The following SLC38A5 variants were observed in gnomAD, a reference collection of about 807,000 sequenced individuals.
SLC38A5 encodes the protein sodium-coupled neutral amino acid transporter 5.
A neutral mutation model predicts 34.6 loss-of-function variants in SLC38A5; 9 were observed. The observed-to-expected ratio is 0.26, with a 90% confidence interval of 0.16 to 0.45. The LOEUF is 0.45. Among genes scored for constraint, SLC38A5 ranks in the 20% least tolerant of loss-of-function variants. The pLI is 1.00. For synonymous variants in SLC38A5, 157 were observed against 155.6 expected (o/e 1.01, Z -0.07); for missense variants, 253 against 394.7 (o/e 0.64, Z 3.04).
At position 48,461,606 on chromosome X, in the gene SLC38A5, A is replaced by C. The variant is rs782044803; in HGVS notation, c.851+112T>G. On this transcript the variant is annotated intron_variant, in intron 12 of 16. Coordinates refer to ENST00000620913, the MANE Select transcript of SLC38A5 (RefSeq NM_033518.4). The stretch of plus-strand genomic sequence containing the variant: ...CACCCCAAACCCCTCCCATGACACA[A>C]CCTAGCTTCCACCAAGTGACAGTCC... The C allele has an allele frequency of 3.1e-3, 2,595 of 829,176 alleles. 3 individuals carry two copies. Among genetic ancestry groups the C allele is most frequent in the Non-Finnish European group, 3.1e-3 (1,819 of 587,930 alleles). 68.3% of individuals were successfully genotyped at this position (829,176 alleles called of 1,213,427 possible). A position where few individuals can be genotyped will look rare whatever the true frequency, so the allele number is the denominator to read the frequency against.
chrX:48,460,934 TC>T, intron 13 of SLC38A5, 51 bp downstream of exon 13: 1 of 1,085,382 alleles, frequency 9.2e-7, no homozygotes. Flanking sequence ...GCTCAGAGGC[TC>T]CTGCCCCAGG....
At chrX:48,466,147 C>T (rs1468262050) in intron 7 of SLC38A5, 54 bp from the exon 8 acceptor site, 15 of 1,155,799 alleles carry the variant, frequency 1.3e-5, no homozygotes, top group Non-Finnish European at 1.7e-5. Context: ...GCCCCCACCC[C>T]GTCTTCCCCA....
intron 13 of SLC38A5, 110 bp downstream of exon 13, chrX:48,460,876 A>G: frequency 9.9e-7 from 1 of 1,011,110 alleles, no homozygotes; most frequent in Non-Finnish European, 1.4e-6. Flanking sequence ...CAAGTGAGGC[A>G]CACCTTCTGT....
chrX:48,468,841 G>C (rs2061497177), intron 2 of SLC38A5: 1 of 748,639 alleles, frequency 1.3e-6, no homozygotes, highest in Non-Finnish European at 1.6e-6. Flanking sequence ...CGGAGGAAGA[G>C]CTATTTCTGA....
At chrX:48,468,198 T>A (rs1375477223) in intron 2 of SLC38A5, 2 of 985,497 alleles carry the variant, frequency 2.0e-6, no homozygotes, top group Non-Finnish European at 2.6e-6. Flanking sequence ...GAGAGAGAAA[T>A]AGTGGGGAAG....
Position 48,467,205 on chromosome X carries a change from G to A in SLC38A5, c.130-128C>T, listed in dbSNP as rs181256090. ...GGAGAGAAGCCAAGGAGAGACCATCGGAGGAGGGAAGAGGCTAGCAGGGAA... is the reference window on the plus strand; with the variant it reads ...GGAGAGAAGCCAAGGAGAGACCATCAGAGGAGGGAAGAGGCTAGCAGGGAA... On this transcript the variant is annotated intron_variant, in intron 4 of 16. Transcript: ENST00000620913. 22 of 529,743 alleles carry A rather than the reference G, an allele frequency of 4.2e-5. No homozygotes were observed. In the Middle Eastern group the frequency reaches 1.1e-3, roughly 27 times the overall value. The allele number at this position is 529,743 out of a possible 1,213,427, so 43.7% of individuals were successfully genotyped here.
At position 48,462,890 on chromosome X, in the gene SLC38A5, C is replaced by A; in HGVS notation, c.574+8G>T. On this transcript the variant is annotated splice_region_variant and intron_variant, in intron 9 of 16. Coordinates refer to ENST00000620913, the MANE Select transcript of SLC38A5 (RefSeq NM_033518.4). Reference sequence around the variant, plus strand: ...ACTACCCAATGGCCAACCCAGGGAGCCTCTTACCCAAGTGTTTCATGAGGG... The same window carrying A: ...ACTACCCAATGGCCAACCCAGGGAGACTCTTACCCAAGTGTTTCATGAGGG... 1 of 1,199,390 alleles carries A rather than the reference C, an allele frequency of 8.3e-7. No individual in the cohort carries two copies. The highest frequency in any genetic ancestry group is 1.7e-5 in the African/African-American group (1 of 57,550).
chrX:48,459,265 C>A, intron 16 of SLC38A5: 1 of 451,047 alleles, frequency 2.2e-6, no homozygotes. Flanking sequence ...GTGCTTCCAG[C>A]TCTCTTCCCA....
rs183914193 is a variant in SLC38A5, at chrX:48,464,566, C to T, written c.491+1449G>A. On this transcript the variant is annotated intron_variant, in intron 8 of 16. Transcript: ENST00000620913. ...ATCCCAGCACTTTGGGAGGCCAAGG[C>T]AAGCAGATCACCTGAGGTCAGGAGT... is the stretch of plus-strand genomic sequence containing the variant. 1.3e-3 allele frequency among the ~76,000 whole-genome samples: 141 copies of T among 112,147 alleles called. 1 individual carries two copies. Among genetic ancestry groups the T allele is most frequent in the Admixed American group, 0.012 (131 of 10,590 alleles).
At chrX:48,468,934 G>A (rs782382779) in intron 2 of SLC38A5, 3 of 753,474 alleles carry the variant, frequency 4.0e-6, no homozygotes, top group Middle Eastern at 7.6e-4. Context: ...CGAGCCTGGA[G>A]CCCCTGTCTT....
At chrX:48,463,788 A>T (rs1326372668) in intron 8 of SLC38A5, among the ~76,000 whole-genome samples, 2 of 103,883 alleles carry the variant, frequency 1.9e-5, no homozygotes, top group Non-Finnish European at 3.9e-5. Flanking sequence ...AAAAAAAAAA[A>T]AGGAAGAAAG....
intron 4 of SLC38A5, 26 bp from the exon 5 acceptor site, chrX:48,467,103 C>T (rs2061483078): frequency 2.6e-6 from 3 of 1,160,353 alleles, no homozygotes; most frequent in Non-Finnish European, 1.2e-6. Flanking sequence ...AAAGCCCGGG[C>T]ACACATTGGG....
chrX:48,458,654 C>T lies in SLC38A5; in HGVS notation c.*279G>A. ...GGGCTGGGCAAAGGCTCCACCAGGA[C>T]CTGGCCTCCTCCTCCTCCTCCTCCT... On this transcript the variant is annotated 3_prime_UTR_variant, in exon 17 of 17. Coordinates refer to ENST00000620913, the MANE Select transcript of SLC38A5 (RefSeq NM_033518.4). The T allele has an allele frequency of 1.0e-6, 1 of 953,198 alleles. No homozygotes were observed. The highest frequency in any genetic ancestry group is 1.3e-6 in the Non-Finnish European group (1 of 764,301). 78.6% of individuals were successfully genotyped at this position (953,198 alleles called of 1,213,427 possible). A position where few individuals can be genotyped will look rare whatever the true frequency, so the allele number is the denominator to read the frequency against.
At chrX:48,466,136 T>C (rs1556963178) in intron 7 of SLC38A5, 43 bp from the exon 8 acceptor site, 3 of 1,165,356 alleles carry the variant, frequency 2.6e-6, no homozygotes, top group South Asian at 1.9e-5. Context: ...ATTCTCTTCA[T>C]GCCCCCACCC....
intron 8 of SLC38A5, among the ~76,000 whole-genome samples, chrX:48,463,984 A>G (rs1556962656): frequency 8.9e-6 from 1 of 111,974 alleles, no homozygotes; most frequent in African/African-American, 3.2e-5. Context: ...CGATCGTGGT[A>G]TGTCTGACAG....
chrX:48,467,946 T>TG (rs781913318), intron 2 of SLC38A5, 21 bp from the exon 3 acceptor site: 32 of 1,178,371 alleles, frequency 2.7e-5, no homozygotes, highest in African/African-American at 3.8e-5. Flanking sequence ...AGAAATGGGG[T>TG]GGGGGGATCA....
chrX:48,461,842 C>T (rs2061436245), intron 11 of SLC38A5, 45 bp from the exon 12 acceptor site: 1 of 1,169,739 alleles, frequency 8.5e-7, no homozygotes, highest in Non-Finnish European at 1.2e-6. Flanking sequence ...AACAGGGGTC[C>T]ATCCCCTTCT....
At chrX:48,467,843 G>A (rs368548107) in intron 3 of SLC38A5, 29 bp downstream of exon 3, 4 of 1,203,527 alleles carry the variant, frequency 3.3e-6, no homozygotes, top group East Asian at 3.0e-5. Context: ...CCTGATCCCT[G>A]AGCCCACCTC....
rs1299909033 is a variant in SLC38A5 at position 48,461,058 on chromosome X, C to T, written c.880G>A (p.Ala294Thr). Residue 294 changes from alanine (A) to threonine (T), a missense_variant, in exon 13 of 17, where the codon GCC becomes ACC. Around this residue, in one of 3 missense-constraint regions of SLC38A5, gnomAD observed 176 missense variants for 273.0 expected, o/e 0.64. Transcript: ENST00000620913. ...RPSKRRMQAV[A>T]NVSIGAMFCM... Reference sequence around the variant, plus strand: ...AACATGGCCCCAATGGACACGTTGGCCACGGCCTGCATCCTGCGCTTGGAG... The same window carrying T: ...AACATGGCCCCAATGGACACGTTGGTCACGGCCTGCATCCTGCGCTTGGAG... 2 of 1,205,653 alleles carry T rather than the reference C, an allele frequency of 1.7e-6. No individual in the cohort carries two copies. The highest frequency in any genetic ancestry group is 2.2e-6 in the Non-Finnish European group (2 of 893,586).
Sources: allele counts gnomAD v4.1 joint callset (sites outside exome capture counted in the v4.1 genomes callset), GRCh38; gene constraint gnomAD v4.1.1; regional missense constraint gnomAD v4.1.1; transcripts MANE v1.5; gene names NCBI Gene and HGNC (gene_info 2026-07-23, HGNC 2026-07-21).